Variants in TTC17 observed in about 807,000 individuals in gnomAD.
TTC17 encodes the protein tetratricopeptide repeat protein 17.
In TTC17, 58 loss-of-function variants were observed where a neutral mutation model predicts 143.8. The observed-to-expected ratio is 0.40, with a 90% confidence interval of 0.33 to 0.50. The LOEUF (loss-of-function observed/expected upper bound fraction) is 0.50, where lower values mean the gene tolerates loss of function less well. Among genes scored for constraint, TTC17 ranks in the 20% least tolerant of loss-of-function variants. The pLI is 0.49. For missense variants in TTC17, 1,273 were observed against 1,392.5 expected (o/e 0.91, Z 1.37); for synonymous variants, 501 against 497.8 (o/e 1.01, Z -0.09).
intron 23 of TTC17, 137 bp downstream of exon 23, chr11:43,492,300 A>G (rs1032295640): frequency 1.1e-5 from 13 of 1,188,664 alleles, no homozygotes; most frequent in Non-Finnish European, 1.4e-5. Context: ...CACCAATGTT[A>G]TATTTTATGG....
intron 1 of TTC17, among the ~76,000 whole-genome samples, chr11:43,377,730 A>G (rs896191470): frequency 2.0e-5 from 3 of 152,194 alleles, no homozygotes; most frequent in African/African-American, 7.2e-5. Context: ...GACCAGATCC[A>G]TGCTATGGAA....
At chr11:43,465,566 T>C (rs1182298356) in intron 21 of TTC17, among the ~76,000 whole-genome samples, 1 of 152,108 alleles carries the variant, frequency 6.6e-6, no homozygotes, top group Non-Finnish European at 1.5e-5. Context: ...TTGCAATAAC[T>C]GAAATTAAGA....
chr11:43,493,090 T>A (rs1028469834), intron 23 of TTC17, among the ~76,000 whole-genome samples: 2 of 152,230 alleles, frequency 1.3e-5, no homozygotes, highest in Non-Finnish European at 1.5e-5. Flanking sequence ...CCAGTAAATG[T>A]GAAGTTTGCT....
At chr11:43,405,305 G>A (rs899948561) in intron 11 of TTC17, among the ~76,000 whole-genome samples, 5 of 151,902 alleles carry the variant, frequency 3.3e-5, no homozygotes, top group African/African-American at 4.8e-5. Flanking sequence ...GCTTATACCC[G>A]CCCAACCCTG....
At chr11:43,388,689 G>A (rs1022213209) in intron 2 of TTC17, among the ~76,000 whole-genome samples, 2 of 151,098 alleles carry the variant, frequency 1.3e-5, no homozygotes, top group Non-Finnish European at 3.0e-5. Flanking sequence ...ACATAGAAAA[G>A]TTGGCCAGGC....
At chr11:43,478,479 T>C (rs1948226108) in intron 21 of TTC17, among the ~76,000 whole-genome samples, 1 of 152,208 alleles carries the variant, frequency 6.6e-6, no homozygotes, top group African/African-American at 2.4e-5. Context: ...CCCATGAAAT[T>C]GTATGAAATC....
chr11:43,420,142 T>G (rs1946868341), intron 16 of TTC17, among the ~76,000 whole-genome samples: 1 of 152,238 alleles, frequency 6.6e-6, no homozygotes, highest in African/African-American at 2.4e-5. Context: ...TTTGTATTTA[T>G]GAACCTACAA....
At chr11:43,427,823 C>G (rs545874488) in intron 16 of TTC17, among the ~76,000 whole-genome samples, 10 of 152,218 alleles carry the variant, frequency 6.6e-5, no homozygotes, top group African/African-American at 2.4e-4. Flanking sequence ...CCCCAGCTCA[C>G]CAAGCATTCC....
At chr11:43,477,570 A>C (rs778850154) in intron 21 of TTC17, among the ~76,000 whole-genome samples, 10 of 152,220 alleles carry the variant, frequency 6.6e-5, no homozygotes, top group Non-Finnish European at 1.3e-4. Context: ...GCAAAAGCAG[A>C]AACCCCTGAT....
At chr11:43,491,383 G>C (rs1278092537) in intron 22 of TTC17, 1 of 152,244 alleles carries the variant, frequency 6.6e-6, no homozygotes, top group Non-Finnish European at 1.5e-5. Flanking sequence ...GGGAAGGGCT[G>C]AGGCTCTACC....
chr11:43,415,101 C>T (rs914063349), intron 16 of TTC17, among the ~76,000 whole-genome samples: 1 of 152,096 alleles, frequency 6.6e-6, no homozygotes, highest in Non-Finnish European at 1.5e-5. Context: ...TAGTAAAGTA[C>T]ATTTTTTCTG....
intron 1 of TTC17, among the ~76,000 whole-genome samples, chr11:43,372,295 TA>T (rs1287616818): frequency 6.6e-6 from 1 of 150,876 alleles, no homozygotes; most frequent in Non-Finnish European, 1.5e-5. Flanking sequence ...GATAGCTGTC[TA>T]AAAAGGTTCA....
At position 43,397,250 on chromosome 11, in the gene TTC17, C is replaced by T; in HGVS notation, c.774-97C>T. On this transcript the variant is annotated intron_variant, in intron 6 of 23. Transcript: ENST00000039989. ...CACTATGATTATCTTATTTTCTCCA[C>T]CTATATCTTAGTTTCCTAAGCACAA... 2.3e-6 allele frequency: 3 copies of T among 1,332,906 alleles called. No homozygotes were observed. Among genetic ancestry groups the T allele is most frequent in the Non-Finnish European group, 3.1e-6 (3 of 973,472 alleles). 82.6% of individuals were successfully genotyped at this position (1,332,906 alleles called of 1,614,324 possible).
At chr11:43,378,693 A>AT (rs1856852165) in intron 1 of TTC17, among the ~76,000 whole-genome samples, 1 of 152,204 alleles carries the variant, frequency 6.6e-6, no homozygotes, top group African/African-American at 2.4e-5. Context: ...ATGAGTGTTC[A>AT]TTTTTTCTAC....
intron 16 of TTC17, among the ~76,000 whole-genome samples, chr11:43,415,270 A>G (rs1241836696): frequency 6.6e-6 from 1 of 151,570 alleles, no homozygotes; most frequent in Non-Finnish European, 1.5e-5. Flanking sequence ...CTCTTCTTCC[A>G]CTCCCTCCCA....
chr11:43,470,906 TTC>T (rs1948079591), intron 21 of TTC17, among the ~76,000 whole-genome samples: 2 of 152,208 alleles, frequency 1.3e-5, no homozygotes, highest in African/African-American at 4.8e-5. Flanking sequence ...AAGTGCCCCT[TTC>T]CTGTTTACTA....
intron 21 of TTC17, among the ~76,000 whole-genome samples, chr11:43,481,173 T>C (rs1247089943): frequency 1.3e-5 from 2 of 152,208 alleles, no homozygotes; most frequent in African/African-American, 4.8e-5. Flanking sequence ...CAGAAAGATA[T>C]ACCAGTTCTA....
chr11:43,391,800 G>A, intron 4 of TTC17, 21 bp from the exon 5 acceptor site: 1 of 1,607,258 alleles, frequency 6.2e-7, no homozygotes. Flanking sequence ...TATGTCTTTT[G>A]AATCTTTTTC....
In TTC17 at chr11:43,398,181, G is replaced by T. The variant is rs761563664; in HGVS notation, c.1058+68G>T. ...AACCTTAGGTTAAATCTGTGTAGGG[G>T]ATATCAGTGTTAATTTGGTAACTGG... On this transcript the variant is annotated intron_variant, in intron 8 of 23. Transcript: ENST00000039989. The T allele has an allele frequency of 2.6e-6, 4 of 1,564,166 alleles. No individual in the cohort carries two copies. In the African/African-American group the frequency reaches 5.4e-5, roughly 21 times the overall value.
Sources: allele counts gnomAD v4.1 joint callset (sites outside exome capture counted in the v4.1 genomes callset), GRCh38; gene constraint gnomAD v4.1.1; transcripts MANE v1.5; gene names NCBI Gene and HGNC (gene_info 2026-07-23, HGNC 2026-07-21).